ATP8A2: variants seen among roughly 807,000 people sequenced by gnomAD.
ATP8A2 encodes ATPase phospholipid transporting 8A2.
A neutral mutation model predicts 165.6 loss-of-function variants in ATP8A2; 100 were observed. The ratio of observed to expected loss-of-function variants is 0.60; its 90% CI spans 0.51 to 0.71. The LOEUF is 0.71. Among genes scored for constraint, ATP8A2 ranks in the 30% least tolerant of loss-of-function variants. The pLI, the probability that ATP8A2 is intolerant of heterozygous loss-of-function variation, is 0.00. For missense variants in ATP8A2, 1,227 were observed against 1,479.5 expected (o/e 0.83, Z 2.80); for synonymous variants, 543 against 548.8 (o/e 0.99, Z 0.15).
chr13:25,663,760 T>C (rs2042097062), intron 24 of ATP8A2, among the ~76,000 whole-genome samples: 1 of 152,232 alleles, frequency 6.6e-6, no homozygotes, highest in Admixed American at 6.5e-5. Context: ...GCCTCTATTC[T>C]AGCCATTTGC....
chr13:25,509,419 T>C (rs2137755224), intron 2 of ATP8A2, among the ~76,000 whole-genome samples: 1 of 152,214 alleles, frequency 6.6e-6, no homozygotes, highest in African/African-American at 2.4e-5. Flanking sequence ...TACAAACTAT[T>C]TACAAAATTT....
chr13:25,960,967 T>C (rs1319855547), intron 33 of ATP8A2, among the ~76,000 whole-genome samples: 1 of 152,258 alleles, frequency 6.6e-6, no homozygotes, highest in Non-Finnish European at 1.5e-5. Context: ...GCACATCTCA[T>C]ACTCTGTCGT....
At chr13:25,479,011 C>CT (rs2036078493) in intron 2 of ATP8A2, among the ~76,000 whole-genome samples, 1 of 152,112 alleles carries the variant, frequency 6.6e-6, no homozygotes, top group African/African-American at 2.4e-5. Context: ...CCATGCCTGG[C>CT]TAATTTTTTG....
chr13:25,420,167 C>T (rs959100912), intron 1 of ATP8A2, among the ~76,000 whole-genome samples: 2 of 152,142 alleles, frequency 1.3e-5, no homozygotes, highest in African/African-American at 4.8e-5. Flanking sequence ...AGGGAGAGGG[C>T]CCAAAGGGAG....
chr13:25,830,805 C>G (rs1951441115), intron 28 of ATP8A2, among the ~76,000 whole-genome samples: 4 of 152,168 alleles, frequency 2.6e-5, no homozygotes, highest in Admixed American at 2.6e-4. Context: ...TTATTTCTGA[C>G]CCAGTGGGGT....
intron 7 of ATP8A2, among the ~76,000 whole-genome samples, chr13:25,539,088 T>TGTGTGTGTGC (rs1555293252): frequency 3.0e-4 from 46 of 150,948 alleles, no homozygotes; most frequent in African/African-American, 1.1e-3. Context: ...TGTGTGTGTG[T>TGTGTGTGTGC]GTGTGTGTGT....
intron 33 of ATP8A2, among the ~76,000 whole-genome samples, chr13:25,957,699 CAG>C: frequency 6.6e-6 from 1 of 152,296 alleles, no homozygotes; most frequent in African/African-American, 2.4e-5. Flanking sequence ...TTGTGAAAGA[CAG>C]TGTGGTGATT....
Position 25,577,117 on chromosome 13 carries a change from T to C in ATP8A2, c.1761T>C (p.Leu587=). The C allele has an allele frequency of 6.2e-7, 1 of 1,614,066 alleles. No individual in the cohort carries two copies. The highest frequency in any genetic ancestry group is 8.5e-7 in the Non-Finnish European group (1 of 1,179,948). ...TTGTTCGAACTCCTTCAGGACGACT[T>C]CGGCTTTACTGTAAAGGGGCTGTAA... ...SVIVRTPSGR[L]RLYCKGADNV... Residue 587 remains leucine (L), a synonymous_variant, in exon 20 of 37, where the codon CTT becomes CTC. Transcript: ENST00000381655.
At chr13:25,980,475 G>A (rs181195520) in intron 35 of ATP8A2, among the ~76,000 whole-genome samples, 332 of 152,250 alleles carry the variant, frequency 2.2e-3, no homozygotes, top group South Asian at 5.6e-3. Context: ...AGGGATGCTC[G>A]GTGTGACCAG....
chr13:25,688,764 C>A (rs1438333255), intron 24 of ATP8A2, among the ~76,000 whole-genome samples: 2 of 152,234 alleles, frequency 1.3e-5, no homozygotes, highest in African/African-American at 4.8e-5. Context: ...GCCCTGTGGG[C>A]TAACCTGCAG....
chr13:25,707,387 CT>C (rs1178144935), intron 25 of ATP8A2, among the ~76,000 whole-genome samples: 1 of 152,148 alleles, frequency 6.6e-6, no homozygotes, highest in Admixed American at 6.5e-5. Flanking sequence ...TTTGATTCCC[CT>C]CTAACTAAAA....
chr13:25,418,426 G>C (rs1431099422), intron 1 of ATP8A2, among the ~76,000 whole-genome samples: 1 of 152,020 alleles, frequency 6.6e-6, no homozygotes, highest in Non-Finnish European at 1.5e-5. Flanking sequence ...TGGGGACAAG[G>C]CTACTCTGCC....
chr13:25,853,522 G>GT (rs1294855325), intron 30 of ATP8A2, among the ~76,000 whole-genome samples: 1 of 151,504 alleles, frequency 6.6e-6, no homozygotes, highest in Non-Finnish European at 1.5e-5. Flanking sequence ...TACTTTGTAT[G>GT]TTTTAGTCCC....
chr13:25,772,205 GGGA>G (rs1161440497), intron 26 of ATP8A2, among the ~76,000 whole-genome samples: 2 of 152,044 alleles, frequency 1.3e-5, no homozygotes, highest in Non-Finnish European at 2.9e-5. Flanking sequence ...CATTCTCCTC[GGGA>G]GAATCATTCC....
chr13:25,551,582 G>T, intron 11 of ATP8A2, 79 bp downstream of exon 11: 10 of 1,419,154 alleles, frequency 7.0e-6, no homozygotes, highest in Non-Finnish European at 9.7e-6. Flanking sequence ...GTTGAAGTGT[G>T]GTGTCCCTGC....
chr13:25,589,618 C>G lies in ATP8A2; in HGVS notation c.2147-17C>G. 6.3e-7 allele frequency: 1 copy of G among 1,596,050 alleles called. No homozygotes were observed. Among genetic ancestry groups the G allele is most frequent in the South Asian group, 1.1e-5 (1 of 90,158 alleles). On this transcript the variant is annotated splice_polypyrimidine_tract_variant and intron_variant, in intron 23 of 36. Transcript: ENST00000381655. ...AAGGAAAGAGAAATTCACATGTTGT[C>G]TCTTCCTCCACTTCAGGGTATTCCT...
At chr13:26,002,729 A>C (rs557785181) in intron 35 of ATP8A2, among the ~76,000 whole-genome samples, 2 of 152,224 alleles carry the variant, frequency 1.3e-5, no homozygotes, top group African/African-American at 4.8e-5. Flanking sequence ...TATATAAATG[A>C]GATCATGCAG....
chr13:25,441,626 CATT>C (rs1374965363), intron 1 of ATP8A2, among the ~76,000 whole-genome samples: 15 of 152,276 alleles, frequency 9.9e-5, no homozygotes, highest in African/African-American at 3.4e-4. Flanking sequence ...TTTTTATAAA[CATT>C]GTTGTATTTC....
At chr13:25,638,504 T>C (rs2041429431) in intron 24 of ATP8A2, among the ~76,000 whole-genome samples, 1 of 152,128 alleles carries the variant, frequency 6.6e-6, no homozygotes, top group African/African-American at 2.4e-5. Context: ...AGAAAGGGTA[T>C]CAGTGATTGA....
Sources: gnomAD v4.1 joint callset for allele counts (sites outside exome capture counted in the v4.1 genomes callset) on GRCh38, gnomAD v4.1.1 for gene constraint, MANE v1.5 for transcripts, NCBI Gene and HGNC (gene_info 2026-07-23, HGNC 2026-07-21) for gene names.